The following ZNF521 variants were observed in gnomAD, a reference collection of about 807,000 sequenced individuals.
ZNF521 encodes zinc finger protein 521.
In ZNF521, 14 loss-of-function variants were observed where a neutral mutation model predicts 105.5. The ratio of observed to expected loss-of-function variants is 0.13; its 90% CI spans 0.09 to 0.21. The LOEUF (loss-of-function observed/expected upper bound fraction) is 0.21. ZNF521 is among the 10% of genes least tolerant of loss of function. The pLI is 1.00. For missense variants in ZNF521, 1,233 were observed against 1,629.7 expected (o/e 0.76, Z 4.19); for synonymous variants, 635 against 606.0 (o/e 1.05, Z -0.70).
chr18:25,068,061 G>A (rs72878178), intron 7 of ZNF521, among the ~76,000 whole-genome samples: 19,112 of 152,176 alleles, frequency 0.13, 1,366 homozygotes, highest in Middle Eastern at 0.17. Flanking sequence ...AAAATAACAA[G>A]CTTTCCACCA....
rs1195731026 is a variant in ZNF521 at position 25,308,657 on chromosome 18, C to A, written c.220+13351G>T. Among the ~76,000 whole-genome samples, 43 of 146,510 alleles carry A rather than the reference C, an allele frequency of 2.9e-4. 2 individuals carry two copies. Among genetic ancestry groups the A allele is most frequent in the African/African-American group, 6.0e-4 (24 of 40,312 alleles). On this transcript the variant is annotated intron_variant, in intron 3 of 7. Transcript: ENST00000361524. ...AGTTGGCCTTAATGACATCCCCCCCCCCCCACCCGCCACAGCCCCTCCAAA... is the reference window on the plus strand; with the variant it reads ...AGTTGGCCTTAATGACATCCCCCCCACCCCACCCGCCACAGCCCCTCCAAA...
intron 3 of ZNF521, among the ~76,000 whole-genome samples, chr18:25,234,918 AAATT>A (rs1338626460): frequency 3.9e-5 from 6 of 152,158 alleles, no homozygotes; most frequent in African/African-American, 7.2e-5. Context: ...TATCATTATA[AAATT>A]AATATGGATT....
chr18:25,336,218 C>T (rs904539654), intron 2 of ZNF521, among the ~76,000 whole-genome samples: 1 of 152,204 alleles, frequency 6.6e-6, no homozygotes, highest in Non-Finnish European at 1.5e-5. Flanking sequence ...CACAGAATCT[C>T]TCTCTGAAGC....
At chr18:25,182,787 A>T (rs770440317) in intron 5 of ZNF521, among the ~76,000 whole-genome samples, 11 of 152,228 alleles carry the variant, frequency 7.2e-5, no homozygotes, top group Non-Finnish European at 1.3e-4. Flanking sequence ...ATTAGAGTCT[A>T]GCAAACAGGC....
At chr18:25,187,323 T>C (rs1293350963) in intron 5 of ZNF521, among the ~76,000 whole-genome samples, 7 of 152,178 alleles carry the variant, frequency 4.6e-5, no homozygotes, top group Admixed American at 4.6e-4. Context: ...TCTGAATTAA[T>C]GCAATGTAAG....
chr18:25,089,388 T>G (rs1567956840), intron 7 of ZNF521, 77 bp downstream of exon 7: 5 of 1,132,986 alleles, frequency 4.4e-6, no homozygotes, highest in Non-Finnish European at 6.6e-6. Flanking sequence ...ATACTGTGAA[T>G]CCAGATTTAA....
At chr18:25,199,507 CAT>C (rs1237298577) in intron 4 of ZNF521, among the ~76,000 whole-genome samples, 1 of 151,744 alleles carries the variant, frequency 6.6e-6, no homozygotes, top group Non-Finnish European at 1.5e-5. Context: ...GTATTGGGGT[CAT>C]GTGGGTAAAC....
intron 2 of ZNF521, among the ~76,000 whole-genome samples, chr18:25,343,431 A>T (rs184182970): frequency 1.3e-5 from 2 of 152,282 alleles, no homozygotes; most frequent in Admixed American, 6.5e-5. Context: ...GTTTCCGTGT[A>T]TATAGACTAT....
chr18:25,299,688 T>C (rs1040111703), intron 3 of ZNF521, among the ~76,000 whole-genome samples: 2 of 152,296 alleles, frequency 1.3e-5, no homozygotes, highest in South Asian at 2.1e-4. Context: ...ATTAGGACAT[T>C]AAAGACATAC....
chr18:25,302,800 T>C (rs887015167), intron 3 of ZNF521: 1 of 152,174 alleles, frequency 6.6e-6, no homozygotes, highest in Non-Finnish European at 1.5e-5. Context: ...TTTAAGAATG[T>C]AAGTTATCAA....
At chr18:25,093,979 A>G (rs1324065787) in intron 5 of ZNF521, among the ~76,000 whole-genome samples, 2 of 152,156 alleles carry the variant, frequency 1.3e-5, no homozygotes, top group Non-Finnish European at 2.9e-5. Flanking sequence ...AAAGTTCTCT[A>G]TTTCCTTAAT....
Position 25,062,143 on chromosome 18 carries a change from A to G in ZNF521, c.*569T>C. On this transcript the variant is annotated 3_prime_UTR_variant, in exon 8 of 8. Coordinates refer to ENST00000361524, the MANE Select transcript of ZNF521 (RefSeq NM_015461.3). ...TGACAGTCTACATAACAACTATTGCATATATAGTGATGCTACCTGTCACAT... is the reference window on the plus strand; with the variant it reads ...TGACAGTCTACATAACAACTATTGCGTATATAGTGATGCTACCTGTCACAT... 1 of 203,620 alleles carries G rather than the reference A, an allele frequency of 4.9e-6. No individual in the cohort carries two copies. Among genetic ancestry groups the G allele is most frequent in the Non-Finnish European group, 1.0e-5 (1 of 99,310 alleles). The allele number at this position is 203,620 out of a possible 1,614,324, so 12.6% of individuals were successfully genotyped here.
chr18:25,082,647 G>A, intron 7 of ZNF521: 1 of 417,140 alleles, frequency 2.4e-6, no homozygotes, highest in Non-Finnish European at 4.7e-6. Context: ...ACCAGCCTGG[G>A]CAACATGGTG....
At chr18:25,174,657 G>A (rs775842820) in intron 5 of ZNF521, among the ~76,000 whole-genome samples, 1 of 152,164 alleles carries the variant, frequency 6.6e-6, no homozygotes, top group African/African-American at 2.4e-5. Context: ...TGCCATTACT[G>A]TAGATACAGT....
At chr18:25,068,806 C>T (rs371639140) in intron 7 of ZNF521, among the ~76,000 whole-genome samples, 6 of 152,298 alleles carry the variant, frequency 3.9e-5, no homozygotes, top group African/African-American at 1.4e-4. Flanking sequence ...GCTCCTTCCC[C>T]GTTCCCAGAA....
At chr18:25,260,301 G>A (rs1326143197) in intron 3 of ZNF521, among the ~76,000 whole-genome samples, 3 of 152,134 alleles carry the variant, frequency 2.0e-5, no homozygotes, top group Non-Finnish European at 2.9e-5. Flanking sequence ...CTCTCCTAAG[G>A]TTGGCCAGAA....
intron 5 of ZNF521, among the ~76,000 whole-genome samples, chr18:25,187,658 A>G (rs2035749501): frequency 6.6e-6 from 1 of 152,170 alleles, no homozygotes. Flanking sequence ...AGTGTGATGT[A>G]CAGTACAGAG....
chr18:25,168,480 G>A (rs2035388898), intron 5 of ZNF521, among the ~76,000 whole-genome samples: 1 of 152,154 alleles, frequency 6.6e-6, no homozygotes, highest in Admixed American at 6.6e-5. Context: ...AAAAGGTGTA[G>A]TGTGCACCCG....
At chr18:25,294,672 T>C (rs1911223797) in intron 3 of ZNF521, among the ~76,000 whole-genome samples, 3 of 151,752 alleles carry the variant, frequency 2.0e-5, no homozygotes, top group African/African-American at 7.3e-5. Flanking sequence ...CTGGCCAACA[T>C]GGTGAAACTC....
Sources: gnomAD v4.1 joint callset for allele counts (sites outside exome capture counted in the v4.1 genomes callset) on GRCh38, gnomAD v4.1.1 for gene constraint, MANE v1.5 for transcripts, NCBI Gene and HGNC (gene_info 2026-07-23, HGNC 2026-07-21) for gene names.